GPC5: variants seen among roughly 807,000 people sequenced by gnomAD.
GPC5 encodes glypican 5.
In GPC5, 47 loss-of-function variants were observed where a neutral mutation model predicts 53.9. The ratio of observed to expected loss-of-function variants is 0.87; its 90% CI spans 0.69 to 1.11. The LOEUF (loss-of-function observed/expected upper bound fraction) is 1.11, where lower values mean the gene tolerates loss of function less well. Ranked by LOEUF, GPC5 falls within the 50% of genes most tolerant of loss-of-function variation. GPC5 has a pLI of 0.00. For missense variants in GPC5, 748 were observed against 713.1 expected (o/e 1.05, Z -0.56); for synonymous variants, 286 against 263.3 (o/e 1.09, Z -0.84).
intron 2 of GPC5, among the ~76,000 whole-genome samples, chr13:91,604,252 T>A (rs1944759850): frequency 7.0e-6 from 1 of 142,406 alleles, no homozygotes; most frequent in South Asian, 2.3e-4. Flanking sequence ...GATTTCCAAT[T>A]TCATCCATGT....
intron 7 of GPC5, among the ~76,000 whole-genome samples, chr13:92,415,336 TG>T (rs1246362176): frequency 7.2e-5 from 11 of 152,170 alleles, no homozygotes; most frequent in Non-Finnish European, 1.6e-4. Flanking sequence ...ATAATTAATG[TG>T]GTCCAATGGA....
chr13:92,422,253 T>C (rs975838615), intron 7 of GPC5, among the ~76,000 whole-genome samples: 1 of 152,132 alleles, frequency 6.6e-6, no homozygotes, highest in Admixed American at 6.6e-5. Context: ...CCTCAGGAGA[T>C]GCATGTAAAA....
intron 7 of GPC5, among the ~76,000 whole-genome samples, chr13:92,516,772 T>C (rs1287314275): frequency 1.3e-5 from 2 of 152,138 alleles, no homozygotes; most frequent in Non-Finnish European, 2.9e-5. Context: ...GATGGGTGAT[T>C]TCTGCATTTC....
intron 7 of GPC5, among the ~76,000 whole-genome samples, chr13:92,433,227 A>T (rs544298228): frequency 6.6e-6 from 1 of 152,126 alleles, no homozygotes; most frequent in Admixed American, 6.6e-5. Flanking sequence ...TGAAGCACAG[A>T]TGAAGATCAG....
At chr13:92,636,699 G>A (rs1380737090) in intron 7 of GPC5, among the ~76,000 whole-genome samples, 1 of 152,110 alleles carries the variant, frequency 6.6e-6, no homozygotes, top group African/African-American at 2.4e-5. Context: ...CACACGAATG[G>A]AAGGTACTGC....
At chr13:92,264,896 G>C (rs974041154) in intron 7 of GPC5, among the ~76,000 whole-genome samples, 3,184 of 147,972 alleles carry the variant, frequency 0.022, 106 homozygotes, top group African/African-American at 0.072. Context: ...GTGTGTGTGT[G>C]TGTGTGTGTG....
In GPC5 at chr13:91,767,732, G is replaced by A. The variant is rs190778933; in HGVS notation, c.1280+11312G>A. On this transcript the variant is annotated intron_variant, in intron 5 of 7. Coordinates refer to ENST00000377067, the MANE Select transcript of GPC5 (RefSeq NM_004466.6). The stretch of plus-strand genomic sequence containing the variant: ...ATACTATTTTTAACTTGTTACACGC[G>A]TCCAGAGGTTGAATAGAGGAAGATA... Among the ~76,000 whole-genome samples the A allele has an allele frequency of 1.3e-4, 20 of 152,234 alleles. 1 individual carries two copies. The highest frequency in any genetic ancestry group is 3.9e-4 in the East Asian group (2 of 5,180).
At chr13:92,432,234 G>C (rs1055367963) in intron 7 of GPC5, among the ~76,000 whole-genome samples, 2 of 152,018 alleles carry the variant, frequency 1.3e-5, no homozygotes, top group Non-Finnish European at 2.9e-5. Context: ...CCCTGATATC[G>C]TACTTCTGCC....
intron 5 of GPC5, among the ~76,000 whole-genome samples, chr13:91,883,149 TA>T (rs2039285543): frequency 6.6e-6 from 1 of 152,126 alleles, no homozygotes; most frequent in African/African-American, 2.4e-5. Flanking sequence ...TTCTGTCTTA[TA>T]AATTGGTGGG....
chr13:92,525,236 C>G (rs1881226657), intron 7 of GPC5, among the ~76,000 whole-genome samples: 1 of 150,102 alleles, frequency 6.7e-6, no homozygotes, highest in Non-Finnish European at 1.5e-5. Flanking sequence ...GCTGTTATTG[C>G]TACCATTTGT....
At chr13:92,747,194 T>C (rs1210346194) in intron 7 of GPC5, among the ~76,000 whole-genome samples, 1 of 152,184 alleles carries the variant, frequency 6.6e-6, no homozygotes, top group African/African-American at 2.4e-5. Context: ...TTTAGTATTT[T>C]TGTAAATTGG....
chr13:92,202,307 CTA>C (rs1436394408), intron 7 of GPC5, among the ~76,000 whole-genome samples: 1 of 152,082 alleles, frequency 6.6e-6, no homozygotes, highest in Non-Finnish European at 1.5e-5. Flanking sequence ...GCAGAACAGG[CTA>C]TGTTTTGTGT....
chr13:92,400,864 G>T (rs1875524810), intron 7 of GPC5, among the ~76,000 whole-genome samples: 1 of 151,946 alleles, frequency 6.6e-6, no homozygotes, highest in Non-Finnish European at 1.5e-5. Flanking sequence ...ATAAAATGTT[G>T]TCTGAACATT....
chr13:92,866,902 T>C lies in GPC5; in HGVS notation c.*463T>C, dbSNP rs1212649697. ...TCAAAACATACAATGGCAAGTAGTATGCATGCATATTCAAGAGACTCTTCC... is the reference window on the plus strand; with the variant it reads ...TCAAAACATACAATGGCAAGTAGTACGCATGCATATTCAAGAGACTCTTCC... On this transcript the variant is annotated 3_prime_UTR_variant, in exon 8 of 8. Transcript: ENST00000377067. The C allele has an allele frequency of 6.6e-6, 1 of 152,248 alleles. No individual in the cohort carries two copies. Among genetic ancestry groups the C allele is most frequent in the Non-Finnish European group, 1.5e-5 (1 of 68,112 alleles). The allele number at this position is 152,248 out of a possible 1,614,324, so 9.4% of individuals were successfully genotyped here.
At chr13:92,469,916 T>C (rs998820797) in intron 7 of GPC5, among the ~76,000 whole-genome samples, 3 of 152,176 alleles carry the variant, frequency 2.0e-5, no homozygotes, top group Non-Finnish European at 2.9e-5. Context: ...AAAATTGTTT[T>C]TTCTTTATCA....
At chr13:91,498,038 A>G (rs1308186351) in intron 2 of GPC5, among the ~76,000 whole-genome samples, 1 of 151,946 alleles carries the variant, frequency 6.6e-6, no homozygotes, top group African/African-American at 2.4e-5. Context: ...TTGCACCTAG[A>G]GTGATATTCA....
At chr13:92,331,020 T>C (rs967507789) in intron 7 of GPC5, among the ~76,000 whole-genome samples, 16 of 152,320 alleles carry the variant, frequency 1.1e-4, no homozygotes, top group African/African-American at 3.8e-4. Context: ...TTTTTACTGA[T>C]CCCATCATTT....
chr13:92,598,671 C>T (rs1473788981), intron 7 of GPC5, among the ~76,000 whole-genome samples: 4 of 152,098 alleles, frequency 2.6e-5, no homozygotes, highest in Middle Eastern at 3.4e-3. Flanking sequence ...AAATTTACAC[C>T]GAACAAATTG....
At chr13:92,615,880 C>T (rs1434216939) in intron 7 of GPC5, among the ~76,000 whole-genome samples, 1 of 152,002 alleles carries the variant, frequency 6.6e-6, no homozygotes, top group African/African-American at 2.4e-5. Context: ...GGTGAAACCC[C>T]GTCTCTACTA....
Sources: gnomAD v4.1 joint callset for allele counts (sites outside exome capture counted in the v4.1 genomes callset) on GRCh38, gnomAD v4.1.1 for gene constraint, MANE v1.5 for transcripts, NCBI Gene and HGNC (gene_info 2026-07-23, HGNC 2026-07-21) for gene names.